RORA: variants seen among roughly 807,000 people sequenced by gnomAD.
RORA encodes nuclear receptor ROR-alpha.
A neutral mutation model predicts 69.5 loss-of-function variants in RORA; 7 were observed. The ratio of observed to expected loss-of-function variants is 0.10; its 90% CI spans 0.06 to 0.19. RORA has a LOEUF of 0.19. RORA is among the 10% of genes least tolerant of loss of function. The probability of loss-of-function intolerance (pLI) is 1.00; values close to 1 mark genes in which losing one functional copy is unlikely to be tolerated. For missense variants in RORA, 457 were observed against 663.0 expected (o/e 0.69, Z 3.41); for synonymous variants, 261 against 240.8 (o/e 1.08, Z -0.78).
intron 1 of RORA, among the ~76,000 whole-genome samples, chr15:60,985,085 T>C (rs943469210): frequency 1.3e-5 from 2 of 152,214 alleles, no homozygotes; most frequent in African/African-American, 4.8e-5. Flanking sequence ...TTACAAATTA[T>C]AGGTGAAGAA....
chr15:60,873,591 A>G (rs1401578092), intron 1 of RORA, among the ~76,000 whole-genome samples: 2 of 152,178 alleles, frequency 1.3e-5, no homozygotes. Context: ...TTTTATGACT[A>G]AGTACCAGAT....
At chr15:60,592,665 G>GCGCCCCAGCGCCGCGCCC in intron 2 of RORA, 1 of 1,086,882 alleles carries the variant, frequency 9.2e-7, no homozygotes, top group Non-Finnish European at 1.1e-6. Flanking sequence ...GGAGGCAGGC[G>GCGCCCCAGCGCCGCGCCC]CGCCCCAGCG....
At chr15:60,999,531 T>C (rs1894679952) in intron 1 of RORA, among the ~76,000 whole-genome samples, 1 of 152,228 alleles carries the variant, frequency 6.6e-6, no homozygotes, top group Non-Finnish European at 1.5e-5. Flanking sequence ...AACTAGCAGG[T>C]TGTCTTTTAG....
intron 1 of RORA, among the ~76,000 whole-genome samples, chr15:61,057,725 G>T (rs1371874474): frequency 6.6e-6 from 1 of 152,114 alleles, no homozygotes; most frequent in Non-Finnish European, 1.5e-5. Flanking sequence ...AAAAGTGCTA[G>T]CCTTTGTACA....
intron 1 of RORA, among the ~76,000 whole-genome samples, chr15:60,878,609 C>T (rs1005844380): frequency 5.9e-5 from 9 of 152,200 alleles, no homozygotes; most frequent in Admixed American, 1.3e-4. Flanking sequence ...TCCTGCTCCC[C>T]GAAAGCTCTG....
intron 2 of RORA, among the ~76,000 whole-genome samples, chr15:60,543,941 G>T (rs891901129): frequency 6.6e-6 from 1 of 152,196 alleles, no homozygotes; most frequent in African/African-American, 2.4e-5. Flanking sequence ...ACGATAGAAA[G>T]AAACCAGTGT....
At chr15:61,158,529 A>C (rs142997520) in intron 1 of RORA, among the ~76,000 whole-genome samples, 1,904 of 152,270 alleles carry the variant, frequency 0.013, 36 homozygotes, top group African/African-American at 0.044. Flanking sequence ...GTGGCTGCCA[A>C]CCTTTGCCTT....
chr15:60,870,962 C>G (rs1008015514), intron 1 of RORA, among the ~76,000 whole-genome samples: 6 of 152,186 alleles, frequency 3.9e-5, no homozygotes, highest in African/African-American at 1.4e-4. Context: ...CTCTACTAGT[C>G]CTGTTAGGAA....
intron 1 of RORA, among the ~76,000 whole-genome samples, chr15:61,181,091 G>A (rs1395718430): frequency 4.3e-5 from 6 of 139,460 alleles, no homozygotes; most frequent in Non-Finnish European, 7.6e-5. Flanking sequence ...GAGACAGAGC[G>A]AGATTCCATC....
intron 6 of RORA, 71 bp from the exon 7 acceptor site, chr15:60,503,738 A>G: frequency 6.3e-7 from 1 of 1,582,272 alleles, no homozygotes; most frequent in Non-Finnish European, 8.6e-7. Flanking sequence ...CTGCAGAGTT[A>G]TGAAAGCAAA....
intron 2 of RORA, among the ~76,000 whole-genome samples, chr15:60,566,816 AG>A (rs1429517164): frequency 6.6e-6 from 1 of 152,178 alleles, no homozygotes; most frequent in Non-Finnish European, 1.5e-5. Flanking sequence ...ATGTGTTCAA[AG>A]AGAGGCTCAC....
intron 2 of RORA, among the ~76,000 whole-genome samples, chr15:60,541,625 G>A (rs11635975): frequency 0.49 from 75,021 of 152,046 alleles, 22,554 homozygotes; most frequent in East Asian, 0.83. Flanking sequence ...CAGAGCTTTG[G>A]GGATTTAAGT....
chr15:60,935,670 T>G (rs1000804965), intron 1 of RORA, among the ~76,000 whole-genome samples: 19 of 152,200 alleles, frequency 1.2e-4, no homozygotes, highest in African/African-American at 4.6e-4. Context: ...TAACCGGCCT[T>G]GAGGCCCAAA....
At chr15:60,758,282 G>T (rs2071832304) in intron 1 of RORA, among the ~76,000 whole-genome samples, 1 of 152,172 alleles carries the variant, frequency 6.6e-6, no homozygotes, top group South Asian at 2.1e-4. Context: ...CTACCAGCTT[G>T]CTAGGTATAA....
intron 1 of RORA, among the ~76,000 whole-genome samples, chr15:60,881,063 G>A (rs1471290883): frequency 6.6e-6 from 1 of 152,216 alleles, no homozygotes; most frequent in African/African-American, 2.4e-5. Flanking sequence ...AATTAGAAGT[G>A]AGATGAAAAC....
chr15:60,841,134 T>TC (rs1285357383), intron 1 of RORA: 1 of 971,326 alleles, frequency 1.0e-6, no homozygotes, highest in Non-Finnish European at 1.2e-6. Flanking sequence ...AACTTTTTCT[T>TC]GTTTTCTCTC....
At chr15:60,890,767 T>C (rs914238822) in intron 1 of RORA, among the ~76,000 whole-genome samples, 1 of 152,244 alleles carries the variant, frequency 6.6e-6, no homozygotes, top group Non-Finnish European at 1.5e-5. Context: ...GATTAACTTT[T>C]TTAGAAGTAC....
At chr15:61,024,829 CA>C (rs1348392116) in intron 1 of RORA, among the ~76,000 whole-genome samples, 1 of 151,560 alleles carries the variant, frequency 6.6e-6, no homozygotes, top group Non-Finnish European at 1.5e-5. Context: ...TGAGCTCAAG[CA>C]ATCTGCCTGC....
chr15:60,724,952 A>G (rs949116637), intron 1 of RORA, among the ~76,000 whole-genome samples: 3 of 152,072 alleles, frequency 2.0e-5, no homozygotes, highest in East Asian at 1.9e-4. Flanking sequence ...TCATCTGCCT[A>G]TGTTTGGTGA....
Sources: gnomAD v4.1 joint callset for allele counts (sites outside exome capture counted in the v4.1 genomes callset) on GRCh38, gnomAD v4.1.1 for gene constraint, MANE v1.5 for transcripts, NCBI Gene and HGNC (gene_info 2026-07-23, HGNC 2026-07-21) for gene names.